The following SYT1 variants were observed in gnomAD, a reference collection of about 807,000 sequenced individuals.
SYT1 encodes synaptotagmin-1.
A neutral mutation model predicts 44.8 loss-of-function variants in SYT1; 8 were observed. The observed-to-expected ratio is 0.18, with a 90% CI of 0.10 to 0.32. The LOEUF is 0.32. Ranked by LOEUF, SYT1 falls within the 10% of genes least tolerant of loss-of-function variation. The pLI is 1.00. For missense variants in SYT1, 286 were observed against 509.3 expected (o/e 0.56, Z 4.22); for synonymous variants, 154 against 188.8 (o/e 0.82, Z 1.51).
chr12:78,921,933 C>A (rs986624839), intron 1 of SYT1, among the ~76,000 whole-genome samples: 2 of 151,242 alleles, frequency 1.3e-5, no homozygotes, highest in African/African-American at 4.9e-5. Flanking sequence ...AGTAGAAGAG[C>A]AAATTTAGGT....
intron 3 of SYT1, among the ~76,000 whole-genome samples, chr12:79,062,005 G>T (rs2137847436): frequency 6.6e-6 from 1 of 152,272 alleles, no homozygotes; most frequent in African/African-American, 2.4e-5. Context: ...CCTTTTATGA[G>T]CTTATGCTAG....
intron 9 of SYT1, among the ~76,000 whole-genome samples, chr12:79,366,443 C>T (rs1883546243): frequency 6.6e-6 from 1 of 152,250 alleles, no homozygotes; most frequent in African/African-American, 2.4e-5. Flanking sequence ...TTTATATGTG[C>T]CCTGACCTTG....
chr12:79,418,162 C>A (rs1044285289), intron 9 of SYT1, among the ~76,000 whole-genome samples: 1 of 152,188 alleles, frequency 6.6e-6, no homozygotes, highest in African/African-American at 2.4e-5. Flanking sequence ...TGTCCATCAT[C>A]AAGGGCTGGA....
rs369011788 is a variant in SYT1 at position 79,177,734 on chromosome 12, C to T, written c.-17-39769C>T. ...TTGTTCCCTGACTTTTTAATGATTG[C>T]CATTCTAACTGGTGTGAGATGATAT... is the stretch of plus-strand genomic sequence containing the variant. On this transcript the variant is annotated intron_variant, in intron 3 of 10. Coordinates refer to ENST00000261205, the MANE Select transcript of SYT1 (RefSeq NM_005639.3). Among the ~76,000 whole-genome samples, 15 of 126,814 alleles carry T rather than the reference C, an allele frequency of 1.2e-4. No individual in the cohort carries two copies. In the East Asian group the frequency reaches 2.0e-3, roughly 17 times the overall value. 83.2% of individuals were successfully genotyped at this position (126,814 alleles called of 152,430 possible). A position where few individuals can be genotyped will look rare whatever the true frequency, so the allele number is the denominator to read the frequency against.
intron 1 of SYT1, among the ~76,000 whole-genome samples, chr12:78,870,923 C>T (rs1194973196): frequency 6.6e-6 from 1 of 152,004 alleles, no homozygotes; most frequent in African/African-American, 2.4e-5. Context: ...TACGTGAACA[C>T]TTTTAAAATG....
At chr12:79,377,647 C>G (rs1284123960) in intron 9 of SYT1, among the ~76,000 whole-genome samples, 1 of 152,228 alleles carries the variant, frequency 6.6e-6, no homozygotes, top group Non-Finnish European at 1.5e-5. Flanking sequence ...TTACTTCAGG[C>G]AGAGTTGCTT....
intron 3 of SYT1, among the ~76,000 whole-genome samples, chr12:79,127,913 A>T (rs1351560595): frequency 6.6e-6 from 1 of 152,222 alleles, no homozygotes; most frequent in African/African-American, 2.4e-5. Flanking sequence ...CTGTGCTGAT[A>T]ATAAAAAAGA....
At chr12:78,901,131 A>G (rs1296871330) in intron 1 of SYT1, among the ~76,000 whole-genome samples, 1 of 152,150 alleles carries the variant, frequency 6.6e-6, no homozygotes, top group Non-Finnish European at 1.5e-5. Flanking sequence ...CTAACCAGAA[A>G]GAATAGTAGT....
intron 9 of SYT1, among the ~76,000 whole-genome samples, chr12:79,422,352 G>C (rs1353178925): frequency 6.6e-6 from 1 of 151,868 alleles, no homozygotes; most frequent in African/African-American, 2.4e-5. Flanking sequence ...TTTTAAGGTT[G>C]ATTGGTTTTG....
At chr12:79,330,418 C>A (rs1881802966) in intron 8 of SYT1, among the ~76,000 whole-genome samples, 2 of 152,198 alleles carry the variant, frequency 1.3e-5, no homozygotes, top group Non-Finnish European at 2.9e-5. Flanking sequence ...AAATAATGAT[C>A]CAGTATAAGA....
At chr12:79,256,721 T>G (rs967548225) in intron 4 of SYT1, among the ~76,000 whole-genome samples, 1 of 152,196 alleles carries the variant, frequency 6.6e-6, no homozygotes, top group African/African-American at 2.4e-5. Context: ...CTTCTAAAAT[T>G]TTTAATGCCA....
chr12:78,976,106 T>G (rs1034545597), intron 1 of SYT1, among the ~76,000 whole-genome samples: 3 of 152,194 alleles, frequency 2.0e-5, no homozygotes, highest in African/African-American at 7.2e-5. Context: ...AACTAGCATA[T>G]CCCAAATTTA....
intron 9 of SYT1, among the ~76,000 whole-genome samples, chr12:79,426,248 C>T (rs934217151): frequency 9.9e-5 from 15 of 152,086 alleles, no homozygotes; most frequent in African/African-American, 3.6e-4. Flanking sequence ...CATGAGCTTG[C>T]TTTAGAGTAT....
chr12:78,922,086 A>G (rs913288337), intron 1 of SYT1, among the ~76,000 whole-genome samples: 2 of 151,972 alleles, frequency 1.3e-5, no homozygotes, highest in African/African-American at 4.8e-5. Flanking sequence ...CATAAAAATT[A>G]TCCTAGGGTT....
At chr12:79,422,547 T>C (rs558715850) in intron 9 of SYT1, among the ~76,000 whole-genome samples, 80 of 151,898 alleles carry the variant, frequency 5.3e-4, no homozygotes, top group African/African-American at 1.9e-3. Flanking sequence ...GAACTTGATT[T>C]TGGATACCAT....
intron 3 of SYT1, among the ~76,000 whole-genome samples, chr12:79,192,095 A>G (rs1873164046): frequency 1.3e-5 from 2 of 152,142 alleles, no homozygotes; most frequent in Non-Finnish European, 2.9e-5. Flanking sequence ...TGCTTTGGCA[A>G]GAACCTGAAA....
At chr12:79,087,518 G>A (rs553951920) in intron 3 of SYT1, among the ~76,000 whole-genome samples, 10 of 152,222 alleles carry the variant, frequency 6.6e-5, no homozygotes, top group African/African-American at 1.4e-4. Flanking sequence ...TGTCTGACTT[G>A]TAATTGAGTG....
intron 9 of SYT1, among the ~76,000 whole-genome samples, chr12:79,385,124 T>C (rs1884384303): frequency 6.6e-6 from 1 of 151,604 alleles, no homozygotes; most frequent in Admixed American, 6.6e-5. Context: ...GTAGTTGGGA[T>C]TACAGGCACC....
intron 3 of SYT1, among the ~76,000 whole-genome samples, chr12:79,172,232 A>T (rs1021790792): frequency 4.0e-5 from 6 of 151,888 alleles, no homozygotes; most frequent in African/African-American, 1.4e-4. Context: ...CATATTTTAA[A>T]TTTTTTTCCA....
Sources: gnomAD v4.1 joint callset for allele counts (sites outside exome capture counted in the v4.1 genomes callset) on GRCh38, gnomAD v4.1.1 for gene constraint, MANE v1.5 for transcripts, NCBI Gene and HGNC (gene_info 2026-07-23, HGNC 2026-07-21) for gene names.